AKAP19: variants seen among roughly 807,000 people sequenced by gnomAD.
AKAP19 encodes small A-kinase anchoring protein.
chr2:190,060,137 G>A, the AKAP19 span: 2 of 1,612,882 alleles, frequency 1.2e-6, no homozygotes, highest in South Asian at 1.1e-5. Flanking sequence ...TTATTTCAAT[G>A]CCTAAGTTGG....
At chr2:190,182,218 G>A in the AKAP19 span, among the ~76,000 whole-genome samples, 1 of 152,064 alleles carries the variant, frequency 6.6e-6, no homozygotes, top group African/African-American at 2.4e-5. Context: ...CCTTGTTTAC[G>A]CTGAACTGAC....
chr2:190,200,093 C>T, the AKAP19 span: 92 of 1,613,908 alleles, frequency 5.7e-5, no homozygotes, highest in Middle Eastern at 3.3e-4. Flanking sequence ...CAGCAATGGG[C>T]ATGCAATAAC....
chr2:190,141,091 C>T, the AKAP19 span, among the ~76,000 whole-genome samples: 57 of 152,302 alleles, frequency 3.7e-4, no homozygotes, highest in African/African-American at 1.3e-3. Context: ...CTGAGACCAC[C>T]TCAGCCTGGA....
chr2:190,062,536 C>T, the AKAP19 span: 2 of 1,613,226 alleles, frequency 1.2e-6, no homozygotes, highest in Non-Finnish European at 1.7e-6. Flanking sequence ...TTTAGATCCA[C>T]TGGACCAGCA....
At chr2:189,881,153 A>G in the AKAP19 span, among the ~76,000 whole-genome samples, 7 of 152,150 alleles carry the variant, frequency 4.6e-5, no homozygotes, top group Non-Finnish European at 1.0e-4. Flanking sequence ...ATGACTTGAG[A>G]TTGTCACCTT....
At chr2:190,192,437 T>C in the AKAP19 span, among the ~76,000 whole-genome samples, 6 of 150,412 alleles carry the variant, frequency 4.0e-5, no homozygotes, top group African/African-American at 1.2e-4. Flanking sequence ...TGTGTTTCCA[T>C]GTATAATTCA....
the AKAP19 span, among the ~76,000 whole-genome samples, chr2:189,969,707 C>T: frequency 8.0e-6 from 1 of 124,682 alleles, no homozygotes; most frequent in Admixed American, 9.9e-5. Context: ...CCAGACTGGG[C>T]GACAGAGCAA....
At chr2:190,155,206 A>G in the AKAP19 span, among the ~76,000 whole-genome samples, 1 of 152,214 alleles carries the variant, frequency 6.6e-6, no homozygotes, top group Non-Finnish European at 1.5e-5. Flanking sequence ...TCTGGGAACC[A>G]GACCCTTGCC....
chr2:189,879,870 A>T, the AKAP19 span: 9 of 152,264 alleles, frequency 5.9e-5, no homozygotes, highest in Non-Finnish European at 1.3e-4. Flanking sequence ...TATGTTGCTT[A>T]GGATCCCAGC....
At chr2:190,121,083 A>T in the AKAP19 span, among the ~76,000 whole-genome samples, 12 of 151,726 alleles carry the variant, frequency 7.9e-5, no homozygotes, top group Non-Finnish European at 1.8e-4. Flanking sequence ...AATTTTTTTT[A>T]AAAGTGTATT....
chr2:190,038,952 C>CTTCTTCTTCTTCTTCTTCTTCT, the AKAP19 span, among the ~76,000 whole-genome samples: 1 of 145,718 alleles, frequency 6.9e-6, no homozygotes, highest in Non-Finnish European at 1.5e-5. Flanking sequence ...TCTTCTTCTT[C>CTTCTTCTTCTTCTTCTTCTTCT]TTCTTCTTCT....
the AKAP19 span, among the ~76,000 whole-genome samples, chr2:190,058,667 T>C: frequency 6.6e-6 from 1 of 151,930 alleles, no homozygotes; most frequent in Admixed American, 6.6e-5. Flanking sequence ...TGGAATACTA[T>C]TTAACCATAA....
the AKAP19 span, among the ~76,000 whole-genome samples, chr2:189,897,058 A>G: frequency 2.0e-5 from 3 of 152,062 alleles, no homozygotes; most frequent in East Asian, 1.9e-4. Context: ...TAACTTTTCA[A>G]TGAATGTACT....
chr2:189,944,656 C>T, the AKAP19 span, among the ~76,000 whole-genome samples: 48 of 152,276 alleles, frequency 3.2e-4, no homozygotes, highest in Non-Finnish European at 2.4e-4. Flanking sequence ...TAATAGGGGA[C>T]TTTAACACCC....
At chr2:190,022,743 G>GT in the AKAP19 span, among the ~76,000 whole-genome samples, 1 of 151,702 alleles carries the variant, frequency 6.6e-6, no homozygotes, top group African/African-American at 2.4e-5. Flanking sequence ...CTAGCAAATA[G>GT]TAAGTCCCAA....
chr2:190,024,758 A>G, the AKAP19 span, among the ~76,000 whole-genome samples: 5,219 of 152,202 alleles, frequency 0.034, 286 homozygotes, highest in African/African-American at 0.11. Flanking sequence ...TTCTAATCCA[A>G]TATACACCTA....
At chr2:189,904,138 A>T in the AKAP19 span, among the ~76,000 whole-genome samples, 3 of 152,144 alleles carry the variant, frequency 2.0e-5, no homozygotes, top group Non-Finnish European at 2.9e-5. Context: ...GTTTAGTTAC[A>T]TATGATGAGT....
At chr2:190,108,312 C>T in the AKAP19 span, among the ~76,000 whole-genome samples, 2 of 152,124 alleles carry the variant, frequency 1.3e-5, no homozygotes, top group Non-Finnish European at 2.9e-5. Context: ...TGCACCAACA[C>T]GCCCGGCTAA....
the AKAP19 span, among the ~76,000 whole-genome samples, chr2:190,015,730 G>A: frequency 0.034 from 5,238 of 152,212 alleles, 284 homozygotes; most frequent in African/African-American, 0.12. Flanking sequence ...ATAAGTTCCA[G>A]TTTCAAACCA....
Sources: allele counts gnomAD v4.1 joint callset (sites outside exome capture counted in the v4.1 genomes callset), GRCh38; gene constraint gnomAD v4.1.1; transcripts MANE v1.5; gene names NCBI Gene and HGNC (gene_info 2026-07-23, HGNC 2026-07-21).